Variants in CACNA2D1 observed in about 807,000 individuals in gnomAD.
CACNA2D1 encodes calcium voltage-gated channel auxiliary subunit alpha2delta 1, also known as voltage-dependent calcium channel subunit alpha-2/delta-1.
A neutral mutation model predicts 171.5 loss-of-function variants in CACNA2D1; 53 were observed. The ratio of observed to expected loss-of-function variants is 0.31; its 90% CI spans 0.25 to 0.39. The LOEUF (loss-of-function observed/expected upper bound fraction) is 0.39. Among genes scored for constraint, CACNA2D1 ranks in the 10% least tolerant of loss-of-function variants. The pLI, the probability that CACNA2D1 is intolerant of heterozygous loss-of-function variation, is 1.00. For missense variants in CACNA2D1, 903 were observed against 1,299.8 expected (o/e 0.69, Z 4.69); for synonymous variants, 442 against 443.1 (o/e 1.00, Z 0.03).
intron 3 of CACNA2D1, among the ~76,000 whole-genome samples, chr7:82,180,354 C>T (rs776913942): frequency 1.2e-4 from 18 of 152,140 alleles, no homozygotes; most frequent in Admixed American, 2.6e-4. Context: ...TCAGCAGCAA[C>T]CTCACTGGGT....
intron 3 of CACNA2D1, among the ~76,000 whole-genome samples, chr7:82,319,318 G>T (rs1450895377): frequency 6.6e-6 from 1 of 152,016 alleles, no homozygotes; most frequent in Non-Finnish European, 1.5e-5. Context: ...TACAATTTTT[G>T]AATCAAAATA....
In CACNA2D1 at chr7:82,338,087, T is replaced by C. The variant is rs182275086; in HGVS notation, c.178-2836A>G. On this transcript the variant is annotated intron_variant, in intron 2 of 38. Coordinates refer to ENST00000356860, the MANE Select transcript of CACNA2D1 (RefSeq NM_000722.4). ...ATGCTAATCAGCTATGTTAACATAA[T>C]ATATGTTCTAAGTCACTTTGCTCTA... 5.5e-3 allele frequency among the ~76,000 whole-genome samples: 837 copies of C among 152,318 alleles called. 8 individuals carry two copies. The highest frequency in any genetic ancestry group is 0.019 in the African/African-American group (795 of 41,578).
intron 1 of CACNA2D1, among the ~76,000 whole-genome samples, chr7:82,382,621 C>T (rs1823836099): frequency 6.6e-6 from 1 of 152,096 alleles, no homozygotes; most frequent in South Asian, 2.1e-4. Flanking sequence ...GGAAAGTGAC[C>T]CCTTAAATCA....
At chr7:82,342,074 A>AT (rs1203850254) in intron 2 of CACNA2D1, among the ~76,000 whole-genome samples, 2 of 151,484 alleles carry the variant, frequency 1.3e-5, no homozygotes, top group African/African-American at 4.8e-5. Flanking sequence ...AAAAAAAAAA[A>AT]AAAAAATCAC....
chr7:82,088,429 T>C (rs1435145359), intron 6 of CACNA2D1, among the ~76,000 whole-genome samples: 1 of 152,170 alleles, frequency 6.6e-6, no homozygotes, highest in Admixed American at 6.5e-5. Flanking sequence ...CAAAAAATAA[T>C]TGTGGAACTC....
At chr7:82,039,285 G>A (rs1056741603) in intron 10 of CACNA2D1, among the ~76,000 whole-genome samples, 8 of 152,044 alleles carry the variant, frequency 5.3e-5, no homozygotes, top group South Asian at 2.1e-4. Context: ...ATCACTGAAC[G>A]TAATTATAAG....
chr7:82,116,304 C>T (rs1789033606), intron 6 of CACNA2D1, among the ~76,000 whole-genome samples: 1 of 150,648 alleles, frequency 6.6e-6, no homozygotes, highest in African/African-American at 2.4e-5. Flanking sequence ...TGGAAAATTC[C>T]TAGTTAGAAT....
At chr7:82,426,393 C>T (rs1306876404) in intron 1 of CACNA2D1, among the ~76,000 whole-genome samples, 3 of 152,094 alleles carry the variant, frequency 2.0e-5, no homozygotes, top group African/African-American at 7.2e-5. Flanking sequence ...AGACTGCACA[C>T]ACCCCTCTTC....
chr7:82,170,506 A>G (rs761471642), intron 4 of CACNA2D1, 44 bp downstream of exon 4: 43 of 1,285,636 alleles, frequency 3.3e-5, no homozygotes, highest in Non-Finnish European at 4.5e-5. Context: ...TCCATACACA[A>G]TATGTCAAGC....
chr7:82,419,502 A>G (rs1429699081), intron 1 of CACNA2D1, among the ~76,000 whole-genome samples: 1 of 152,088 alleles, frequency 6.6e-6, no homozygotes, highest in African/African-American at 2.4e-5. Flanking sequence ...TCACTGCAAA[A>G]TTTTCCTTCA....
intron 11 of CACNA2D1, among the ~76,000 whole-genome samples, chr7:82,035,853 T>C (rs1308232094): frequency 6.6e-6 from 1 of 152,200 alleles, no homozygotes; most frequent in Non-Finnish European, 1.5e-5. Flanking sequence ...AACGGTTAAT[T>C]ACAGTACAAT....
At chr7:81,975,174 T>C (rs973539078) in intron 24 of CACNA2D1, among the ~76,000 whole-genome samples, 3 of 152,272 alleles carry the variant, frequency 2.0e-5, no homozygotes, top group East Asian at 1.9e-4. Flanking sequence ...GATGTTGCCA[T>C]TGGAGGAAAC....
At chr7:82,251,909 C>T (rs1048578607) in intron 3 of CACNA2D1, among the ~76,000 whole-genome samples, 4 of 152,022 alleles carry the variant, frequency 2.6e-5, no homozygotes, top group East Asian at 1.9e-4. Flanking sequence ...AGTTATGAGT[C>T]GCAGAACTAC....
At chr7:81,956,527 A>ATATATCAAT (rs753789574) in intron 38 of CACNA2D1, among the ~76,000 whole-genome samples, 91 of 152,240 alleles carry the variant, frequency 6.0e-4, no homozygotes, top group Admixed American at 3.7e-3. Flanking sequence ...ATAATTGCCT[A>ATATATCAAT]TATATCAATT....
intron 3 of CACNA2D1, among the ~76,000 whole-genome samples, chr7:82,265,106 A>T (rs967326624): frequency 1.3e-5 from 2 of 152,202 alleles, no homozygotes; most frequent in Admixed American, 1.3e-4. Flanking sequence ...GGCTGAATAG[A>T]TTTAGGAAAA....
intron 2 of CACNA2D1, 93 bp from the exon 3 acceptor site, chr7:82,335,344 G>T: frequency 2.6e-6 from 2 of 770,964 alleles, no homozygotes; most frequent in East Asian, 4.9e-5. Context: ...ATAAACAACT[G>T]ATTAGAAACA....
At chr7:82,043,734 A>G (rs2131254556) in intron 10 of CACNA2D1, among the ~76,000 whole-genome samples, 1 of 152,318 alleles carries the variant, frequency 6.6e-6, no homozygotes, top group East Asian at 1.9e-4. Flanking sequence ...ATTTCTGAGA[A>G]GAGGGACTCT....
chr7:82,108,830 A>G (rs1788050994), intron 6 of CACNA2D1, among the ~76,000 whole-genome samples: 1 of 152,208 alleles, frequency 6.6e-6, no homozygotes. Flanking sequence ...TGGTCAAATT[A>G]GCCTAGCTTA....
rs1330096002 is a variant in CACNA2D1 at position 81,965,577 on chromosome 7, T to C, written c.2574+17A>G. ...ACACTTTGGAAAGCCTAATTCCCTC[T>C]TATTTGAGGTACATACCTGATTAGT... is the stretch of plus-strand genomic sequence containing the variant. On this transcript the variant is annotated intron_variant, in intron 32 of 38. Transcript: ENST00000356860. The C allele has an allele frequency of 2.2e-6, 3 of 1,374,914 alleles. No homozygotes were observed. The East Asian group carries it at 6.9e-5, about 32-fold the overall frequency. 85.2% of individuals were successfully genotyped at this position (1,374,914 alleles called of 1,614,324 possible).
Sources: allele counts gnomAD v4.1 joint callset (sites outside exome capture counted in the v4.1 genomes callset), GRCh38; gene constraint gnomAD v4.1.1; transcripts MANE v1.5; gene names NCBI Gene and HGNC (gene_info 2026-07-23, HGNC 2026-07-21).